The following PTPRN2 variants were observed in gnomAD, a reference collection of about 807,000 sequenced individuals.
PTPRN2 encodes receptor-type tyrosine-protein phosphatase N2.
In PTPRN2, 74 loss-of-function variants were observed where a neutral mutation model predicts 118.8. The observed-to-expected ratio is 0.62, with a 90% CI of 0.52 to 0.76. The LOEUF is 0.76. Ranked by LOEUF, PTPRN2 falls within the 30% of genes least tolerant of loss-of-function variation. The pLI is 0.00. For missense variants in PTPRN2, 1,481 were observed against 1,394.4 expected, an observed-to-expected ratio of 1.06 and a Z score of -0.99; for synonymous variants, 641 against 608.0, an observed-to-expected ratio of 1.05 and a Z score of -0.80.
intron 1 of PTPRN2, among the ~76,000 whole-genome samples, chr7:158,504,541 C>T (rs568512831): frequency 6.6e-5 from 10 of 152,348 alleles, no homozygotes; most frequent in South Asian, 2.1e-4. Context: ...CTCTTTTCTA[C>T]GGCTGCATAG....
intron 3 of PTPRN2, among the ~76,000 whole-genome samples, chr7:158,305,808 G>A (rs201921726): frequency 1.1e-3 from 162 of 143,792 alleles, no homozygotes; most frequent in African/African-American, 4.0e-3. Flanking sequence ...AAAAAAAAAA[G>A]AAAGAAAGAA....
chr7:158,557,899 T>C (rs1487118242), intron 1 of PTPRN2, among the ~76,000 whole-genome samples: 3 of 152,100 alleles, frequency 2.0e-5, no homozygotes, highest in African/African-American at 4.8e-5. Flanking sequence ...AGCAGCACTA[T>C]TGATAAAGCT....
At chr7:158,528,799 A>G (rs1824990404) in intron 1 of PTPRN2, among the ~76,000 whole-genome samples, 1 of 150,380 alleles carries the variant, frequency 6.6e-6, no homozygotes, top group Admixed American at 6.6e-5. Context: ...ACTCCGTCTC[A>G]AAAACGGAAA....
At chr7:157,565,022 A>G (rs1165028977) in intron 21 of PTPRN2, among the ~76,000 whole-genome samples, 1 of 152,256 alleles carries the variant, frequency 6.6e-6, no homozygotes, top group African/African-American at 2.4e-5. Context: ...CCAACCTCGA[A>G]GGCATTATGC....
chr7:157,969,557 C>A (rs537916952), intron 11 of PTPRN2, among the ~76,000 whole-genome samples: 1 of 152,036 alleles, frequency 6.6e-6, no homozygotes, highest in African/African-American at 2.4e-5. Context: ...TTCATCAGAA[C>A]CTCCTGAGGT....
rs1810864264 is a variant in PTPRN2 at position 157,868,609 on chromosome 7, G to A, written c.1788+30064C>T. The A allele has an allele frequency of 6.6e-6, 1 of 152,206 alleles. No individual in the cohort carries two copies. The highest frequency in any genetic ancestry group is 2.1e-4 in the South Asian group (1 of 4,834). The allele number at this position is 152,206 out of a possible 1,614,324, so 9.4% of individuals were successfully genotyped here. ...AGAAAAAGGTGCAGCCCATTTCCCAGCCTGAGGACTGGCCGGGGAAATAAC... is the reference window on the plus strand; with the variant it reads ...AGAAAAAGGTGCAGCCCATTTCCCAACCTGAGGACTGGCCGGGGAAATAAC... On this transcript the variant is annotated intron_variant, in intron 12 of 22. Transcript: ENST00000389418. This position sits in a 1 kb window ranked among gnomAD's most constrained non-coding sequence, Gnocchi z 5.2.
At chr7:157,761,377 G>A (rs1309904836) in intron 12 of PTPRN2, among the ~76,000 whole-genome samples, 1 of 149,348 alleles carries the variant, frequency 6.7e-6, no homozygotes, top group African/African-American at 2.4e-5. Context: ...AACCAAAACA[G>A]CATGGTACTG....
intron 13 of PTPRN2, among the ~76,000 whole-genome samples, chr7:157,658,541 G>A (rs886348753): frequency 4.6e-5 from 7 of 152,176 alleles, no homozygotes; most frequent in Admixed American, 1.3e-4. Context: ...CTGCCCGGCC[G>A]TATGGGACCC....
chr7:157,789,431 G>C (rs879512058), intron 12 of PTPRN2, among the ~76,000 whole-genome samples: 2 of 152,204 alleles, frequency 1.3e-5, no homozygotes, highest in African/African-American at 4.8e-5. Context: ...ACTGGGTTTC[G>C]GGCTTCATGA....
chr7:157,613,090 G>GC (rs61167784), intron 15 of PTPRN2, among the ~76,000 whole-genome samples: 15 of 152,174 alleles, frequency 9.9e-5, no homozygotes, highest in African/African-American at 3.4e-4. Context: ...ACAGGGCAGC[G>GC]CCCCCCGCAT....
chr7:158,028,967 C>G (rs578157284), intron 11 of PTPRN2: 10 of 152,454 alleles, frequency 6.6e-5, no homozygotes, highest in African/African-American at 2.4e-4. Context: ...AGGCTGAAGG[C>G]TGGTTAACCT....
chr7:158,150,392 G>C (rs768364474), intron 6 of PTPRN2, among the ~76,000 whole-genome samples: 46 of 152,132 alleles, frequency 3.0e-4, no homozygotes, highest in Non-Finnish European at 4.0e-4. Context: ...TCCACATGCA[G>C]GGCTGAGATG....
intron 11 of PTPRN2, among the ~76,000 whole-genome samples, chr7:157,997,441 G>T (rs190021042): frequency 1.3e-5 from 2 of 152,206 alleles, no homozygotes; most frequent in Admixed American, 1.3e-4. Flanking sequence ...CCTGGCTGGC[G>T]CCTGGAGCCC....
At chr7:157,721,788 C>T (rs1799250816) in intron 12 of PTPRN2, among the ~76,000 whole-genome samples, 1 of 152,224 alleles carries the variant, frequency 6.6e-6, no homozygotes. Flanking sequence ...TCCTGTGCTC[C>T]TGCTCCCACC....
chr7:158,003,188 GC>G lies in PTPRN2; in HGVS notation c.1723+78109del, dbSNP rs1394772936. On this transcript the variant is annotated intron_variant, in intron 11 of 22. Coordinates refer to ENST00000389418, the MANE Select transcript of PTPRN2 (RefSeq NM_002847.5). The surrounding 1 kb of genome is among the most constrained non-coding windows in gnomAD (Gnocchi z 5.0). ...CCAGCACTTTGGGAGGCCGAGACGG[GC>G]GGATCACGAGGTCAGGAGATCGAGA... Among the ~76,000 whole-genome samples the G allele has an allele frequency of 6.6e-6, 1 of 152,058 alleles. No individual in the cohort carries two copies. Among genetic ancestry groups the G allele is most frequent in the Non-Finnish European group, 1.5e-5 (1 of 68,012 alleles).
intron 12 of PTPRN2, among the ~76,000 whole-genome samples, chr7:157,750,035 G>A (rs1345176181): frequency 1.3e-5 from 2 of 152,058 alleles, no homozygotes; most frequent in African/African-American, 4.8e-5. Flanking sequence ...TCTGAGGCCT[G>A]CTTCTCTGTG....
At chr7:158,496,228 GCCTTC>G in intron 1 of PTPRN2, among the ~76,000 whole-genome samples, 1 of 72,784 alleles carries the variant, frequency 1.4e-5, no homozygotes, top group African/African-American at 5.5e-5. Flanking sequence ...CTTCCCTTCA[GCCTTC>G]CCTCCCCTTC....
intron 12 of PTPRN2, among the ~76,000 whole-genome samples, chr7:157,684,921 C>T (rs1797100381): frequency 6.6e-6 from 1 of 151,888 alleles, no homozygotes; most frequent in African/African-American, 2.4e-5. Flanking sequence ...GCCGCGACCC[C>T]GGATGCGAGA....
chr7:157,676,824 C>T lies in PTPRN2; in HGVS notation c.2001+5901G>A, dbSNP rs935842542. 6.6e-6 allele frequency among the ~76,000 whole-genome samples: 1 copy of T among 152,150 alleles called. No homozygotes were observed. Among genetic ancestry groups the T allele is most frequent in the African/African-American group, 2.4e-5 (1 of 41,432 alleles). On this transcript the variant is annotated intron_variant, in intron 13 of 22. Coordinates refer to ENST00000389418, the MANE Select transcript of PTPRN2 (RefSeq NM_002847.5). The surrounding 1 kb of genome is among the most constrained non-coding windows in gnomAD (Gnocchi z 5.6). Reference sequence around the variant, plus strand: ...CAGGGGGTGCCTAGGAACAGGGGCTCGGAAGGACCTGCTGTGCATGCAGGG... The same window carrying T: ...CAGGGGGTGCCTAGGAACAGGGGCTTGGAAGGACCTGCTGTGCATGCAGGG...
Sources: allele counts gnomAD v4.1 joint callset (sites outside exome capture counted in the v4.1 genomes callset), GRCh38; gene constraint gnomAD v4.1.1; non-coding constraint Gnocchi (gnomAD v3.1); transcripts MANE v1.5; gene names NCBI Gene and HGNC (gene_info 2026-07-23, HGNC 2026-07-21).